The following ESYT1 variants were observed in gnomAD, a reference collection of about 807,000 sequenced individuals.
ESYT1 encodes the protein extended synaptotagmin 1, also known as extended synaptotagmin-1.
ESYT1 carries 116 observed loss-of-function variants against 154.2 expected under a neutral mutation model. That is an observed-to-expected ratio of 0.75 (90% CI 0.65 to 0.88). The LOEUF (loss-of-function observed/expected upper bound fraction) is 0.88. Among genes scored for constraint, ESYT1 ranks in the 40% least tolerant of loss-of-function variants. The pLI is 0.00. For missense variants in ESYT1, 1,264 were observed against 1,379.3 expected (o/e 0.92, Z 1.32); for synonymous variants, 500 against 539.9 (o/e 0.93, Z 1.02).
chr12:56,136,080 A>AAG (rs1870440424), intron 15 of ESYT1, among the ~76,000 whole-genome samples: 1 of 151,398 alleles, frequency 6.6e-6, no homozygotes, highest in African/African-American at 2.4e-5. Flanking sequence ...AAAAAAAAAA[A>AAG]AAGGAACAGA....
chr12:56,139,593 A>ATT (rs760999686), intron 24 of ESYT1, among the ~76,000 whole-genome samples: 101 of 122,982 alleles, frequency 8.2e-4, no homozygotes, highest in African/African-American at 2.9e-3. Flanking sequence ...TTGAGGGTAG[A>ATT]TTTTTTTTTT....
At chr12:56,136,616 C>T in intron 15 of ESYT1, 128 bp from the exon 16 acceptor site, 1 of 650,782 alleles carries the variant, frequency 1.5e-6, no homozygotes, top group Non-Finnish European at 2.2e-6. Context: ...AAAAAGATGG[C>T]CCTGAGTGGA....
At chr12:56,131,644 G>A in intron 6 of ESYT1, 78 bp downstream of exon 6, 3 of 1,601,666 alleles carry the variant, frequency 1.9e-6, no homozygotes, top group Non-Finnish European at 2.6e-6. Flanking sequence ...CAGTGAAGGG[G>A]AATGAGAAGG....
In ESYT1 at chr12:56,136,896, A is replaced by T; in HGVS notation, c.1782+3A>T. The T allele has an allele frequency of 6.3e-7, 1 of 1,590,614 alleles. No individual in the cohort carries two copies. The highest frequency in any genetic ancestry group is 8.6e-7 in the Non-Finnish European group (1 of 1,166,924). ...TCTATATGAAACTAGTCATGAGGGT[A>T]TGGAAATAGAGGAGGTACTGAGGTG... On this transcript the variant is annotated splice_donor_region_variant and intron_variant, in intron 16 of 30. Transcript: ENST00000394048.
rs553437628 is a variant in ESYT1 at position 56,131,698 on chromosome 12, G to A, written c.805-51G>A. On this transcript the variant is annotated intron_variant, in intron 6 of 30. Transcript: ENST00000394048. Reference sequence around the variant, plus strand: ...AGGGGTTCTGGCAACTGTTTGATGGGTATGACCACACCCCATAGGATCTGT... The same window carrying A: ...AGGGGTTCTGGCAACTGTTTGATGGATATGACCACACCCCATAGGATCTGT... The A allele has an allele frequency of 6.8e-6, 11 of 1,611,740 alleles. No homozygotes were observed. The South Asian group carries it at 1.1e-4, about 16-fold the overall frequency.
intron 15 of ESYT1, among the ~76,000 whole-genome samples, chr12:56,135,716 A>G (rs1346247668): frequency 1.3e-5 from 2 of 150,134 alleles, no homozygotes; most frequent in Admixed American, 1.3e-4. Flanking sequence ...GCATGGTGAA[A>G]CCCTATCTCT....
intron 29 of ESYT1, 71 bp downstream of exon 29, chr12:56,143,404 A>T (rs1870795538): frequency 6.5e-7 from 1 of 1,538,140 alleles, no homozygotes; most frequent in Non-Finnish European, 9.0e-7. Context: ...AGTCCCTGTG[A>T]GGAAGGAAGT....
rs771505391 is a variant in ESYT1, at chr12:56,136,799, G to T, written c.1688G>T (p.Arg563Leu). 6.2e-7 allele frequency: 1 copy of T among 1,608,230 alleles called. No homozygotes were observed. Among genetic ancestry groups the T allele is most frequent in the South Asian group, 1.1e-5 (1 of 90,322 alleles). ...TLGALTLPLA[R>L]LLTAPELILD... ...GGAGCACTGACGCTGCCTCTGGCCC[G>T]CCTGCTGACTGCCCCAGAACTCATC... Residue 563 changes from arginine (R) to leucine (L), a missense_variant, in exon 16 of 31, where the codon CGC becomes CTC. By Grantham distance (102) the Arg-to-Leu change is moderately radical. Coordinates refer to ENST00000394048, the MANE Select transcript of ESYT1 (RefSeq NM_015292.3).
chr12:56,141,668 A>T (rs971645244), intron 24 of ESYT1, among the ~76,000 whole-genome samples: 1 of 152,186 alleles, frequency 6.6e-6, no homozygotes, highest in Non-Finnish European at 1.5e-5. Context: ...TGAACCCAGG[A>T]GGCGGAGCTT....
Position 56,130,611 on chromosome 12 carries a change from A to G in ESYT1, c.420A>G (p.Glu140=). The G allele has an allele frequency of 6.2e-7, 1 of 1,614,090 alleles. No individual in the cohort carries two copies. The highest frequency in any genetic ancestry group is 1.1e-5 in the South Asian group (1 of 91,070). Residue 140 remains glutamate (E), a synonymous_variant, in exon 2 of 31, where the codon GAA becomes GAG. Transcript: ENST00000394048. ...GCTTCCCAGACGTGGAAAAGGCTGA[A>G]TGGCTCAATAAGGTGAGGATTGATT... ...WVSFPDVEKA[E]WLNKIVAQVW...
rs780550661 is a variant in ESYT1 at position 56,137,329 on chromosome 12, C to T, written c.1894C>T (p.Pro632Ser). ...PQRGSSVDAP[P>S]RPCHTTPDSQ... ...GAGAGGCAGCAGTGTGGATGCCCCA[C>T]CTCGACCCTGTCACACGACTCCTGA... The change falls in exon 17 of 31, where the codon CCT becomes TCT. Residue 632 changes from proline to serine, a missense_variant. Coordinates refer to ENST00000394048, the MANE Select transcript of ESYT1 (RefSeq NM_015292.3). 6.2e-7 allele frequency: 1 copy of T among 1,614,216 alleles called. No individual in the cohort carries two copies. Among genetic ancestry groups the T allele is most frequent in the Non-Finnish European group, 8.5e-7 (1 of 1,180,040 alleles).
intron 1 of ESYT1, chr12:56,130,307 CCTCT>C (rs200845581): frequency 9.1e-6 from 5 of 546,734 alleles, no homozygotes; most frequent in Non-Finnish European, 1.6e-5. Flanking sequence ...TCCTCCCGCT[CCTCT>C]CTCTCTCAGC....
At chr12:56,141,072 A>G (rs930808850) in intron 24 of ESYT1, among the ~76,000 whole-genome samples, 2 of 152,210 alleles carry the variant, frequency 1.3e-5, no homozygotes, top group Non-Finnish European at 2.9e-5. Context: ...ATCATGAGCA[A>G]GCAACCACTC....
rs200287945 is a variant in ESYT1 at position 56,142,867 on chromosome 12, A to G, written c.2921A>G (p.Gln974Arg). The change falls in exon 27 of 31, where the codon CAG (glutamine) becomes CGG (arginine). Residue 974 changes from glutamine to arginine, a missense_variant. Coordinates refer to ENST00000394048, the MANE Select transcript of ESYT1 (RefSeq NM_015292.3). The surrounding 1 kb of genome is among the most constrained non-coding windows in gnomAD (Gnocchi z 4.1). ...PLEAPAGPLG[Q>R]VKLTLWYYSE... ...GAGGCTCCAGCCGGGCCTCTGGGCC[A>G]GGTGAAACTGACTCTGTGGTACTAC... 39 of 1,614,232 alleles carry G rather than the reference A, an allele frequency of 2.4e-5. No homozygotes were observed. The East Asian group carries it at 4.2e-4, about 18-fold the overall frequency.
chr12:56,139,674 C>T (rs1444621932), intron 24 of ESYT1, among the ~76,000 whole-genome samples: 2 of 150,994 alleles, frequency 1.3e-5, no homozygotes, highest in African/African-American at 4.9e-5. Context: ...CAGCTCACTG[C>T]AACCTCAGCC....
Position 56,131,507 on chromosome 12 carries a change from C to A in ESYT1, c.745C>A (p.Pro249Thr). ...TGGCGTTTTGCGGGTGATACTGGAG[C>A]CACTCATTGGGGACCTTCCCTTCGT... is the stretch of plus-strand genomic sequence containing the variant. ...LHGVLRVILE[P>T]LIGDLPFVGA... The change falls in exon 6 of 31, where the codon CCA becomes ACA. Residue 249 changes from proline to threonine, a missense_variant. By Grantham distance (38) the Pro-to-Thr change is conservative. Coordinates refer to ENST00000394048, the MANE Select transcript of ESYT1 (RefSeq NM_015292.3). 1 of 1,614,118 alleles carries A rather than the reference C, an allele frequency of 6.2e-7. No homozygotes were observed. Among genetic ancestry groups the A allele is most frequent in the Non-Finnish European group, 8.5e-7 (1 of 1,180,036 alleles).
intron 30 of ESYT1, 93 bp downstream of exon 30, chr12:56,143,722 G>C: frequency 6.2e-7 from 1 of 1,609,328 alleles, no homozygotes. Flanking sequence ...TCTGAGCAGA[G>C]AACCATTGAT....
Position 56,132,470 on chromosome 12 carries a change from A to G in ESYT1, c.1034A>G (p.Asp345Gly). 6.2e-7 allele frequency: 1 copy of G among 1,614,146 alleles called. No homozygotes were observed. The highest frequency in any genetic ancestry group is 1.3e-5 in the African/African-American group (1 of 75,028). The stretch of plus-strand genomic sequence containing the variant: ...GCTGCTCGAGGGCTGAGTTCCAAGG[A>G]CAAATATGTGAAGGGCCTGATTGAG... The part of the protein sequence containing the change: ...LLAARGLSSK[D>G]KYVKGLIEGK... The change falls in exon 9 of 31, where the codon GAC (aspartate) becomes GGC (glycine). Residue 345 changes from aspartate to glycine, a missense_variant. Coordinates refer to ENST00000394048, the MANE Select transcript of ESYT1 (RefSeq NM_015292.3).
rs1870792948 is a variant in ESYT1, at chr12:56,143,348, T to C, written c.3225+15T>C. ...TGCTGGGGAAGGTAAGAGGGCAGGA[T>C]GGCAGGGCAGAGGTGAGGGCTGGAA... On this transcript the variant is annotated intron_variant, in intron 29 of 30. Coordinates refer to ENST00000394048, the MANE Select transcript of ESYT1 (RefSeq NM_015292.3). 1.2e-6 allele frequency: 2 copies of C among 1,612,506 alleles called. No homozygotes were observed. Among genetic ancestry groups the C allele is most frequent in the East Asian group, 2.2e-5 (1 of 44,868 alleles).
Sources: allele counts gnomAD v4.1 joint callset (sites outside exome capture counted in the v4.1 genomes callset), GRCh38; gene constraint gnomAD v4.1.1; non-coding constraint Gnocchi (gnomAD v3.1); transcripts MANE v1.5; gene names NCBI Gene and HGNC (gene_info 2026-07-23, HGNC 2026-07-21).